ASCC3: variants seen among roughly 807,000 people sequenced by gnomAD.
The protein encoded by ASCC3 is ASC-1 complex subunit P200.
Under a neutral mutation model 256.3 loss-of-function variants are expected in ASCC3, and 158 were observed. The ratio of observed to expected loss-of-function variants is 0.62; its 90% CI spans 0.54 to 0.70. The LOEUF is 0.70. Among genes scored for constraint, ASCC3 ranks in the 30% least tolerant of loss-of-function variants. The pLI, the probability that ASCC3 is intolerant of heterozygous loss-of-function variation, is 0.00. For synonymous variants in ASCC3, 948 were observed against 883.4 expected (o/e 1.07, Z -1.30); for missense variants, 2,259 against 2,626.0 (o/e 0.86, Z 3.05).
chr6:100,533,458 T>C (rs1432774902), intron 37 of ASCC3, among the ~76,000 whole-genome samples: 2 of 152,228 alleles, frequency 1.3e-5, no homozygotes, highest in Non-Finnish European at 2.9e-5. Context: ...AAAATAAATC[T>C]TAAAATACAC....
At chr6:100,596,916 C>A (rs1395930364) in intron 34 of ASCC3, among the ~76,000 whole-genome samples, 1 of 152,136 alleles carries the variant, frequency 6.6e-6, no homozygotes, top group Non-Finnish European at 1.5e-5. Flanking sequence ...ACATCCCCAA[C>A]CTCATCTCCT....
intron 25 of ASCC3, among the ~76,000 whole-genome samples, chr6:100,638,170 T>C (rs1249801943): frequency 1.3e-5 from 2 of 152,262 alleles, no homozygotes; most frequent in African/African-American, 4.8e-5. Flanking sequence ...ACAACCATGA[T>C]CAGTCAGCAG....
At chr6:100,704,276 A>C (rs1778482212) in intron 13 of ASCC3, among the ~76,000 whole-genome samples, 1 of 151,958 alleles carries the variant, frequency 6.6e-6, no homozygotes, top group Admixed American at 6.6e-5. Context: ...GTCTCCTTCG[A>C]CTCTAGCTTT....
At chr6:100,744,460 T>C (rs997125102) in intron 10 of ASCC3, among the ~76,000 whole-genome samples, 2 of 152,180 alleles carry the variant, frequency 1.3e-5, no homozygotes, top group Non-Finnish European at 2.9e-5. Flanking sequence ...GTGAAGACTA[T>C]AGGTAACTTG....
At chr6:100,570,296 T>C (rs1012909348) in intron 36 of ASCC3, among the ~76,000 whole-genome samples, 4 of 152,216 alleles carry the variant, frequency 2.6e-5, no homozygotes, top group African/African-American at 7.2e-5. Flanking sequence ...CTGACTGCTC[T>C]GGCTACCACT....
intron 37 of ASCC3, among the ~76,000 whole-genome samples, chr6:100,537,637 A>G (rs1351113051): frequency 6.6e-6 from 1 of 152,088 alleles, no homozygotes; most frequent in Non-Finnish European, 1.5e-5. Flanking sequence ...AATTATTTCA[A>G]AACGAAAGTC....
intron 39 of ASCC3, among the ~76,000 whole-genome samples, chr6:100,515,453 T>C (rs900797062): frequency 3.3e-5 from 5 of 152,192 alleles, no homozygotes; most frequent in African/African-American, 1.2e-4. Flanking sequence ...ATGTTAATTA[T>C]GTTATAAATC....
At chr6:100,593,112 A>G (rs1772091425) in intron 34 of ASCC3, among the ~76,000 whole-genome samples, 2 of 152,134 alleles carry the variant, frequency 1.3e-5, no homozygotes, top group Non-Finnish European at 2.9e-5. Context: ...AGGGTTGAAT[A>G]TTTACAATGC....
intron 13 of ASCC3, among the ~76,000 whole-genome samples, chr6:100,684,802 CTTT>C (rs34237443): frequency 5.8e-4 from 55 of 94,720 alleles, no homozygotes; most frequent in African/African-American, 1.8e-3. Context: ...GAATCAAACT[CTTT>C]TTTTTTTTTT....
At position 100,647,457 on chromosome 6, in the gene ASCC3, A is replaced by C; in HGVS notation, c.3253-6T>G. 6.2e-7 allele frequency: 1 copy of C among 1,610,196 alleles called. No individual in the cohort carries two copies. Among genetic ancestry groups the C allele is most frequent in the Non-Finnish European group, 8.5e-7 (1 of 1,176,464 alleles). On this transcript the variant is annotated splice_region_variant and splice_polypyrimidine_tract_variant and intron_variant, in intron 20 of 41. Coordinates refer to ENST00000369162, the MANE Select transcript of ASCC3 (RefSeq NM_006828.4). ...CGGACAATTCTAGCTGCATTCTAAAAAATTATAGGAGGAGATTGGTGGTTA... is the reference window on the plus strand; with the variant it reads ...CGGACAATTCTAGCTGCATTCTAAACAATTATAGGAGGAGATTGGTGGTTA...
At chr6:100,604,555 A>G (rs951361131) in intron 33 of ASCC3, among the ~76,000 whole-genome samples, 6 of 151,708 alleles carry the variant, frequency 4.0e-5, no homozygotes, top group African/African-American at 1.5e-4. Context: ...GGCTCAAGCA[A>G]TCCTCCTGCT....
At chr6:100,614,818 C>A (rs1189151292) in intron 30 of ASCC3, among the ~76,000 whole-genome samples, 1 of 152,080 alleles carries the variant, frequency 6.6e-6, no homozygotes, top group African/African-American at 2.4e-5. Flanking sequence ...TAATGAGTAA[C>A]TCTATGCAGA....
chr6:100,712,293 A>G (rs1199604252), intron 13 of ASCC3, among the ~76,000 whole-genome samples: 1 of 152,172 alleles, frequency 6.6e-6, no homozygotes, highest in African/African-American at 2.4e-5. Flanking sequence ...TCTGCTGAAA[A>G]ACACTAAGAG....
At chr6:100,623,642 G>A (rs538982028) in intron 30 of ASCC3, among the ~76,000 whole-genome samples, 1 of 152,248 alleles carries the variant, frequency 6.6e-6, no homozygotes, top group Admixed American at 6.5e-5. Context: ...AAGAGGGTTG[G>A]TGGAGAGATC....
Position 100,509,234 on chromosome 6 carries a change from TG to T in ASCC3, c.*151del. Reference sequence around the variant, plus strand: ...GCCACTGTGGTTAACTTTATGTCACTGGAGTCAATACTGCAGCCACTGTCAA... The same window carrying T: ...GCCACTGTGGTTAACTTTATGTCACTGAGTCAATACTGCAGCCACTGTCAA... On this transcript the variant is annotated 3_prime_UTR_variant, in exon 42 of 42. Transcript: ENST00000369162. 1.0e-6 allele frequency: 1 copy of T among 974,274 alleles called. No individual in the cohort carries two copies. Among genetic ancestry groups the T allele is most frequent in the Non-Finnish European group, 1.6e-6 (1 of 622,754 alleles). The allele number at this position is 974,274 out of a possible 1,614,324, so 60.4% of individuals were successfully genotyped here.
intron 36 of ASCC3, among the ~76,000 whole-genome samples, chr6:100,564,051 T>TA (rs959673252): frequency 5.9e-5 from 9 of 151,714 alleles, no homozygotes; most frequent in Admixed American, 2.6e-4. Context: ...TTTTTAATAT[T>TA]AAAAAAAATC....
At chr6:100,510,885 A>T (rs953551546) in intron 40 of ASCC3, among the ~76,000 whole-genome samples, 7 of 152,166 alleles carry the variant, frequency 4.6e-5, no homozygotes, top group Non-Finnish European at 1.5e-5. Context: ...GACTTCACTC[A>T]GTATTCTAGA....
Position 100,868,021 on chromosome 6 carries a change from A to G in ASCC3, c.-24T>C. The stretch of plus-strand genomic sequence containing the variant: ...ATCTATTATTCAATCAGTGATCCAT[A>G]CAGCAAGAAACCTGAAACTGAAACA... On this transcript the variant is annotated 5_prime_UTR_variant, in exon 2 of 42. Coordinates refer to ENST00000369162, the MANE Select transcript of ASCC3 (RefSeq NM_006828.4). 3.9e-6 allele frequency: 6 copies of G among 1,546,968 alleles called. No homozygotes were observed. The highest frequency in any genetic ancestry group is 5.4e-6 in the Non-Finnish European group (6 of 1,119,652).
At chr6:100,614,779 T>C (rs1773579039) in intron 30 of ASCC3, among the ~76,000 whole-genome samples, 1 of 152,200 alleles carries the variant, frequency 6.6e-6, no homozygotes, top group Non-Finnish European at 1.5e-5. Flanking sequence ...AAATAATGAG[T>C]AATGTATTTG....
Sources: allele counts gnomAD v4.1 joint callset (sites outside exome capture counted in the v4.1 genomes callset), GRCh38; gene constraint gnomAD v4.1.1; transcripts MANE v1.5; gene names NCBI Gene and HGNC (gene_info 2026-07-23, HGNC 2026-07-21).